The following MAD1L1 variants were observed in gnomAD, a reference collection of about 807,000 sequenced individuals.
The protein encoded by MAD1L1 is mitotic arrest deficient 1 like 1, also known as mitotic spindle assembly checkpoint protein MAD1.
Under a neutral mutation model 96.9 loss-of-function variants are expected in MAD1L1, and 95 were observed. The ratio of observed to expected loss-of-function variants is 0.98; its 90% CI spans 0.83 to 1.16. The LOEUF (loss-of-function observed/expected upper bound fraction) is 1.16, where lower values mean the gene tolerates loss of function less well. Ranked by LOEUF, MAD1L1 falls within the 50% of genes most tolerant of loss-of-function variation. The pLI is 0.00. For missense variants in MAD1L1, 1,007 were observed against 954.4 expected (o/e 1.06, Z -0.73); for synonymous variants, 473 against 396.6 (o/e 1.19, Z -2.29).
chr7:1,931,525 G>A (rs193092941), intron 17 of MAD1L1, among the ~76,000 whole-genome samples: 214 of 152,296 alleles, frequency 1.4e-3, no homozygotes, highest in Middle Eastern at 3.4e-3. Flanking sequence ...CCTCTCAGCC[G>A]ATCATGTCGG....
chr7:2,065,740 G>A (rs2128526724), intron 12 of MAD1L1, among the ~76,000 whole-genome samples: 1 of 152,316 alleles, frequency 6.6e-6, no homozygotes, highest in South Asian at 2.1e-4. Context: ...CGACGCCGCT[G>A]GACACCCAGC....
chr7:2,166,350 C>CT (rs1463319456), intron 10 of MAD1L1, among the ~76,000 whole-genome samples: 2 of 152,200 alleles, frequency 1.3e-5, no homozygotes, highest in African/African-American at 4.8e-5. Context: ...CCCTCGCACT[C>CT]TTTCTCCCAG....
chr7:2,163,633 A>G (rs184626870), intron 10 of MAD1L1, among the ~76,000 whole-genome samples: 1 of 152,146 alleles, frequency 6.6e-6, no homozygotes, highest in African/African-American at 2.4e-5. Flanking sequence ...TTGGCCTCCC[A>G]AAGTGCTGAG....
intron 18 of MAD1L1, among the ~76,000 whole-genome samples, chr7:1,879,753 C>A (rs1331099907): frequency 6.6e-6 from 1 of 152,112 alleles, no homozygotes; most frequent in Non-Finnish European, 1.5e-5. Context: ...TCTTTTGAGA[C>A]GGAGTCTCAC....
Position 2,075,400 on chromosome 7 carries a change from G to A in MAD1L1, c.1074-6062C>T, listed in dbSNP as rs553212539. 2.6e-5 allele frequency among the ~76,000 whole-genome samples: 4 copies of A among 152,294 alleles called. No homozygotes were observed. In the South Asian group the frequency reaches 8.3e-4, roughly 32 times the overall value. ...GCCACAGCGGCACCAGCGACGGCGG[G>A]CTCTCCCCTGTTGGGGATGTTCTCT... is the stretch of plus-strand genomic sequence containing the variant. On this transcript the variant is annotated intron_variant, in intron 11 of 18. Coordinates refer to ENST00000265854, the MANE Select transcript of MAD1L1 (RefSeq NM_001013836.2).
intron 10 of MAD1L1, among the ~76,000 whole-genome samples, chr7:2,174,118 C>A (rs1411165810): frequency 1.3e-5 from 2 of 152,184 alleles, no homozygotes; most frequent in African/African-American, 4.8e-5. Context: ...CCATGCCTGG[C>A]CAGGATGACT....
chr7:2,101,317 T>C (rs112367223), intron 11 of MAD1L1, among the ~76,000 whole-genome samples: 1 of 100,236 alleles, frequency 1.0e-5, no homozygotes, highest in Admixed American at 9.9e-5. Context: ...GTGGGTGGCA[T>C]GAGACTGGGG....
intron 15 of MAD1L1, 77 bp from the exon 16 acceptor site, chr7:1,957,796 G>T: frequency 1.5e-6 from 2 of 1,354,896 alleles, no homozygotes; most frequent in Non-Finnish European, 2.1e-6. Context: ...GGGTGATAAG[G>T]AGGTGAAAGG....
intron 16 of MAD1L1, among the ~76,000 whole-genome samples, chr7:1,937,457 G>A (rs902308444): frequency 6.6e-6 from 1 of 152,306 alleles, no homozygotes; most frequent in Non-Finnish European, 1.5e-5. Context: ...GGATGTGTGT[G>A]GCATCCTTGA....
intron 10 of MAD1L1, among the ~76,000 whole-genome samples, chr7:2,208,999 C>G (rs931029948): frequency 1.3e-5 from 2 of 152,246 alleles, no homozygotes; most frequent in Non-Finnish European, 2.9e-5. Context: ...ACTCCCGGCA[C>G]TGGCATCCTG....
intron 11 of MAD1L1, among the ~76,000 whole-genome samples, chr7:2,102,623 C>A (rs1001682371): frequency 6.6e-6 from 1 of 152,012 alleles, no homozygotes; most frequent in Non-Finnish European, 1.5e-5. Flanking sequence ...CGGTCTCCAC[C>A]ACCCTCGCAC....
intron 10 of MAD1L1, among the ~76,000 whole-genome samples, chr7:2,205,139 T>A (rs183659772): frequency 7.1e-6 from 1 of 141,090 alleles, no homozygotes; most frequent in Non-Finnish European, 1.5e-5. Context: ...AAGATAACTA[T>A]GAGAGGAATG....
chr7:2,098,434 C>A (rs143757745), intron 11 of MAD1L1, among the ~76,000 whole-genome samples: 33 of 152,328 alleles, frequency 2.2e-4, no homozygotes, highest in Admixed American at 1.7e-3. Context: ...GAGTCCCTCC[C>A]ACTCACCGCA....
intron 18 of MAD1L1, among the ~76,000 whole-genome samples, chr7:1,832,630 T>TTTGGGGG (rs56664541): frequency 0.015 from 36 of 2,338 alleles, 3 homozygotes; most frequent in Non-Finnish European, 0.024. Flanking sequence ...TTTTTTTTTT[T>TTTGGGGG]GGCGGGGGGG....
At chr7:2,036,793 G>T (rs1562626563) in intron 12 of MAD1L1, among the ~76,000 whole-genome samples, 1 of 152,142 alleles carries the variant, frequency 6.6e-6, no homozygotes, top group Non-Finnish European at 1.5e-5. Flanking sequence ...AGCCCAAGCA[G>T]GTGTCGGAAA....
intron 18 of MAD1L1, among the ~76,000 whole-genome samples, chr7:1,887,006 G>C (rs1425678510): frequency 1.3e-5 from 2 of 152,256 alleles, no homozygotes; most frequent in Non-Finnish European, 2.9e-5. Flanking sequence ...CAGCGGCAGG[G>C]AGAACAGGAA....
rs113472196 is a variant in MAD1L1, at chr7:1,917,586, T to C, written c.1807+19101A>G. On this transcript the variant is annotated intron_variant, in intron 17 of 18. Coordinates refer to ENST00000265854, the MANE Select transcript of MAD1L1 (RefSeq NM_001013836.2). ...AATGCAACTGTGAAGAAATCCCTAA[T>C]TGGGTACTTGGCTTGAGTTACAAGC... Among the ~76,000 whole-genome samples, 252 of 152,312 alleles carry C rather than the reference T, an allele frequency of 1.7e-3. 2 individuals are homozygous for C. Among genetic ancestry groups the C allele is most frequent in the African/African-American group, 5.7e-3 (236 of 41,578 alleles).
chr7:1,910,239 C>T (rs773562651), intron 17 of MAD1L1, among the ~76,000 whole-genome samples: 8 of 152,108 alleles, frequency 5.3e-5, no homozygotes, highest in Non-Finnish European at 8.8e-5. Flanking sequence ...AGAGGCCCAG[C>T]GGAACCTTGG....
At position 1,959,555 on chromosome 7, in the gene MAD1L1, G is replaced by A. The variant is rs915336229; in HGVS notation, c.1506-1836C>T. On this transcript the variant is annotated intron_variant, in intron 15 of 18. Transcript: ENST00000265854. ...ACAAGCCTGCTCAGGACCACGGCAC[G>A]GAAAACCATCTTAAAGGCAGAGGTG... 3.3e-5 allele frequency among the ~76,000 whole-genome samples: 5 copies of A among 152,268 alleles called. 1 individual carries two copies. In the South Asian group the frequency reaches 6.2e-4, roughly 19 times the overall value.
Sources: gnomAD v4.1 joint callset for allele counts (sites outside exome capture counted in the v4.1 genomes callset) on GRCh38, gnomAD v4.1.1 for gene constraint, MANE v1.5 for transcripts, NCBI Gene and HGNC (gene_info 2026-07-23, HGNC 2026-07-21) for gene names.